Variants in TRIQK observed in about 807,000 individuals in gnomAD.
The protein encoded by TRIQK is triple QxxK/R motif-containing protein.
In TRIQK, 10 loss-of-function variants were observed where a neutral mutation model predicts 10.8. The ratio of observed to expected loss-of-function variants is 0.92; its 90% confidence interval spans 0.57 to 1.57. The LOEUF (loss-of-function observed/expected upper bound fraction) is 1.57. Among genes scored for constraint, TRIQK ranks in the 40% most tolerant of loss-of-function variants. The probability of loss-of-function intolerance (pLI) is 0.00; values close to 1 mark genes in which losing one functional copy is unlikely to be tolerated. For synonymous variants in TRIQK, 33 were observed against 33.7 expected, an observed-to-expected ratio of 0.98 and a Z score of 0.07; for missense variants, 107 against 97.7, an observed-to-expected ratio of 1.09 and a Z score of -0.40.
intron 1 of TRIQK, among the ~76,000 whole-genome samples, chr8:93,012,022 T>C (rs1210758745): frequency 2.0e-5 from 3 of 152,078 alleles, no homozygotes; most frequent in African/African-American, 7.2e-5. Context: ...TGGAGAAAAG[T>C]ATCTAGACAG....
intron 3 of TRIQK, among the ~76,000 whole-genome samples, chr8:92,909,053 G>T (rs559509423): frequency 7.4e-4 from 112 of 151,914 alleles, no homozygotes; most frequent in African/African-American, 2.6e-3. Flanking sequence ...TGAACACAAT[G>T]TTTAGTTATT....
chr8:92,983,026 G>A (rs986944794), intron 1 of TRIQK, among the ~76,000 whole-genome samples: 4 of 151,940 alleles, frequency 2.6e-5, no homozygotes, highest in Admixed American at 2.6e-4. Context: ...CAGTTCATAT[G>A]GCTGCTGTAA....
intron 1 of TRIQK, among the ~76,000 whole-genome samples, chr8:92,983,742 C>T (rs1339968166): frequency 4.6e-5 from 7 of 152,060 alleles, no homozygotes; most frequent in Non-Finnish European, 1.0e-4. Context: ...AGTGTCATTT[C>T]TGCCACAGAT....
intron 2 of TRIQK, among the ~76,000 whole-genome samples, chr8:92,937,328 T>TA (rs918131920): frequency 6.6e-6 from 1 of 151,588 alleles, no homozygotes; most frequent in Admixed American, 6.6e-5. Context: ...ACCCAAATGA[T>TA]AAACGCCAAA....
chr8:92,991,816 C>G lies in TRIQK; in HGVS notation c.-181+25793G>C, dbSNP rs573562417. Among the ~76,000 whole-genome samples the G allele has an allele frequency of 2.6e-5, 4 of 152,228 alleles. No individual in the cohort carries two copies. The South Asian group carries it at 8.3e-4, about 32-fold the overall frequency. ...GCAACTTTAGCAAAGTCTCAGGATA[C>G]AAAATCAGTGTGCAAAAATCACACA... On this transcript the variant is annotated intron_variant, in intron 1 of 4. Transcript: ENST00000520686.
intron 2 of TRIQK, among the ~76,000 whole-genome samples, chr8:92,932,176 G>A (rs547992998): frequency 5.9e-5 from 9 of 152,016 alleles, no homozygotes; most frequent in African/African-American, 1.4e-4. Context: ...AAACTATGGC[G>A]TTTGTGTTCC....
chr8:92,981,117 A>G (rs1207624277), intron 1 of TRIQK, among the ~76,000 whole-genome samples: 1 of 151,892 alleles, frequency 6.6e-6, no homozygotes, highest in Non-Finnish European at 1.5e-5. Context: ...ATTTAGAAGC[A>G]TCTTCTTTAC....
At chr8:92,909,226 A>G (rs1320905888) in intron 3 of TRIQK, among the ~76,000 whole-genome samples, 1 of 151,942 alleles carries the variant, frequency 6.6e-6, no homozygotes, top group Non-Finnish European at 1.5e-5. Flanking sequence ...TGCTCACAGG[A>G]AAATAACTAG....
At chr8:92,991,683 G>A (rs950336229) in intron 1 of TRIQK, among the ~76,000 whole-genome samples, 2 of 152,094 alleles carry the variant, frequency 1.3e-5, no homozygotes, top group East Asian at 1.9e-4. Context: ...GAAATAAAGC[G>A]TATTCAAATG....
At chr8:93,013,806 A>G (rs1307780736) in intron 1 of TRIQK, among the ~76,000 whole-genome samples, 1 of 152,152 alleles carries the variant, frequency 6.6e-6, no homozygotes, top group African/African-American at 2.4e-5. Context: ...AATTCTAATA[A>G]ACAACCCACA....
intron 3 of TRIQK, among the ~76,000 whole-genome samples, chr8:92,909,857 C>T (rs1222211487): frequency 6.6e-6 from 1 of 151,382 alleles, no homozygotes; most frequent in Non-Finnish European, 1.5e-5. Context: ...CCAAGGTACC[C>T]ATGGGGATGT....
At chr8:92,930,133 T>G (rs1368766760) in intron 2 of TRIQK, among the ~76,000 whole-genome samples, 1 of 151,752 alleles carries the variant, frequency 6.6e-6, no homozygotes, top group Non-Finnish European at 1.5e-5. Context: ...ATCCCAGCAC[T>G]TTGGGAGGCC....
chr8:93,015,279 C>G (rs1813373219), intron 1 of TRIQK, among the ~76,000 whole-genome samples: 1 of 151,704 alleles, frequency 6.6e-6, no homozygotes, highest in Admixed American at 6.6e-5. Context: ...TTCTAAAATT[C>G]CAGCTAAATT....
At chr8:92,962,405 G>T (rs1178549285) in intron 1 of TRIQK, among the ~76,000 whole-genome samples, 1 of 152,132 alleles carries the variant, frequency 6.6e-6, no homozygotes, top group East Asian at 1.9e-4. Flanking sequence ...CACTGGAGCA[G>T]GGACTCTCAA....
chr8:92,997,577 C>G (rs1586526706), intron 1 of TRIQK, among the ~76,000 whole-genome samples: 1 of 151,980 alleles, frequency 6.6e-6, no homozygotes, highest in South Asian at 2.1e-4. Flanking sequence ...GTGATTTACT[C>G]GTAGATTTTG....
chr8:92,885,763 A>C lies in TRIQK; in HGVS notation c.*859T>G, dbSNP rs1308187224. 1.3e-5 allele frequency: 2 copies of C among 151,772 alleles called. No homozygotes were observed. Among genetic ancestry groups the C allele is most frequent in the African/African-American group, 4.8e-5 (2 of 41,402 alleles). 9.4% of individuals were successfully genotyped at this position (151,772 alleles called of 1,614,324 possible). A position where few individuals can be genotyped will look rare whatever the true frequency, so the allele number is the denominator to read the frequency against. ...TTCAGATTTAGGAGACAACCTAAGA[A>C]GATGATTCTGAGTAGGTAGGATTTT... On this transcript the variant is annotated 3_prime_UTR_variant, in exon 5 of 5. Coordinates refer to ENST00000521988, the MANE Select transcript of TRIQK (RefSeq NM_001171797.2).
intron 3 of TRIQK, among the ~76,000 whole-genome samples, chr8:92,901,279 T>C (rs558793337): frequency 2.0e-5 from 3 of 152,192 alleles, no homozygotes; most frequent in Admixed American, 6.5e-5. Context: ...TCCAGTACCA[T>C]GTTGAATAAC....
At chr8:92,970,956 T>C (rs994651020), upstream of TRIQK, among the ~76,000 whole-genome samples, 1 of 152,204 alleles carries the variant, frequency 6.6e-6, no homozygotes, top group East Asian at 1.9e-4. Flanking sequence ...TTAATGCATC[T>C]TGAATTATTT....
chr8:92,904,240 A>G (rs1327599415), intron 3 of TRIQK, among the ~76,000 whole-genome samples: 1 of 152,198 alleles, frequency 6.6e-6, no homozygotes, highest in Non-Finnish European at 1.5e-5. Flanking sequence ...GATAATGGAA[A>G]TAGGCAGGAT....
Sources: allele counts gnomAD v4.1 joint callset (sites outside exome capture counted in the v4.1 genomes callset), GRCh38; gene constraint gnomAD v4.1.1; transcripts MANE v1.5; gene names NCBI Gene and HGNC (gene_info 2026-07-23, HGNC 2026-07-21).